The following SPMIP2 variants were observed in gnomAD, a reference collection of about 807,000 sequenced individuals.
SPMIP2 encodes the protein sperm microtubule inner protein 2, also known as protein SPMIP2.
the SPMIP2 span, among the ~76,000 whole-genome samples, chr4:158,952,813 G>A: frequency 2.0e-5 from 3 of 152,228 alleles, no homozygotes; most frequent in Non-Finnish European, 2.9e-5. Context: ...CTGGAGCAAA[G>A]ATGACTCTTG....
chr4:159,038,481 C>T, the SPMIP2 span: 1 of 152,104 alleles, frequency 6.6e-6, no homozygotes, highest in African/African-American at 2.4e-5. Context: ...AAGTTGTTGA[C>T]TTTTTTCCAT....
chr4:158,974,496 C>T, the SPMIP2 span, among the ~76,000 whole-genome samples: 407 of 152,002 alleles, frequency 2.7e-3, 1 homozygote, highest in African/African-American at 9.5e-3. Context: ...TGTAATATTC[C>T]CCTCCCTGTG....
chr4:158,904,912 C>T, the SPMIP2 span: 1 of 169,042 alleles, frequency 5.9e-6, no homozygotes, highest in South Asian at 1.7e-4. Context: ...CAGCAGTGTA[C>T]ATAATATTCC....
chr4:159,016,345 A>G, the SPMIP2 span, among the ~76,000 whole-genome samples: 1 of 152,228 alleles, frequency 6.6e-6, no homozygotes, highest in Admixed American at 6.5e-5. Context: ...AATTAAAGCT[A>G]TAACCATGAG....
chr4:159,042,811 C>T, the SPMIP2 span, among the ~76,000 whole-genome samples: 1,397 of 152,072 alleles, frequency 9.2e-3, 25 homozygotes, highest in African/African-American at 0.032. Flanking sequence ...TACAGGCATG[C>T]ACCACCACAC....
chr4:158,953,023 C>T, the SPMIP2 span, among the ~76,000 whole-genome samples: 2 of 152,148 alleles, frequency 1.3e-5, no homozygotes, highest in Non-Finnish European at 2.9e-5. Flanking sequence ...AGAAAATTTG[C>T]AGCCTGACAA....
At chr4:158,935,466 A>G in the SPMIP2 span, among the ~76,000 whole-genome samples, 19 of 152,138 alleles carry the variant, frequency 1.2e-4, no homozygotes, top group African/African-American at 4.6e-4. Flanking sequence ...TGATAAAGGG[A>G]AGGATTCATT....
the SPMIP2 span, among the ~76,000 whole-genome samples, chr4:159,043,957 A>T: frequency 1.3e-5 from 2 of 152,350 alleles, no homozygotes; most frequent in Non-Finnish European, 2.9e-5. Flanking sequence ...ATAACATAAA[A>T]ACAGCTCTTA....
the SPMIP2 span, among the ~76,000 whole-genome samples, chr4:158,986,619 C>G: frequency 6.6e-6 from 1 of 151,892 alleles, no homozygotes; most frequent in Non-Finnish European, 1.5e-5. Flanking sequence ...ACACCTTATA[C>G]AAAAATTAAT....
chr4:158,956,292 G>A, the SPMIP2 span, among the ~76,000 whole-genome samples: 1 of 152,318 alleles, frequency 6.6e-6, no homozygotes, highest in Non-Finnish European at 1.5e-5. Context: ...CTAGCTGGGT[G>A]CGGTGGCTCA....
the SPMIP2 span, among the ~76,000 whole-genome samples, chr4:158,955,545 G>T: frequency 6.6e-6 from 1 of 152,062 alleles, no homozygotes; most frequent in African/African-American, 2.4e-5. Context: ...ACCTGGGATC[G>T]CAGGCATGCA....
At chr4:158,905,757 G>A in the SPMIP2 span, 6 of 150,422 alleles carry the variant, frequency 4.0e-5, no homozygotes, top group Non-Finnish European at 7.4e-5. Context: ...TTTACTGACC[G>A]TGAAACAGAC....
the SPMIP2 span, among the ~76,000 whole-genome samples, chr4:159,037,782 AT>A: frequency 1.5e-5 from 1 of 68,108 alleles, no homozygotes; most frequent in African/African-American, 7.1e-5. Context: ...CAAAAACAAT[AT>A]ATACACACAC....
chr4:159,040,984 A>G, the SPMIP2 span, among the ~76,000 whole-genome samples: 60 of 152,270 alleles, frequency 3.9e-4, 1 homozygote, highest in South Asian at 0.012. Flanking sequence ...TATTCAATAA[A>G]TATCAGCTGC....
chr4:158,923,647 G>A, the SPMIP2 span, among the ~76,000 whole-genome samples: 5 of 152,120 alleles, frequency 3.3e-5, no homozygotes, highest in South Asian at 1.0e-3. Context: ...ATAAGATCAT[G>A]TTATCAGCAA....
the SPMIP2 span, among the ~76,000 whole-genome samples, chr4:158,921,445 A>AT: frequency 1.4e-4 from 22 of 151,994 alleles, no homozygotes; most frequent in East Asian, 3.9e-4. Context: ...CCATCTCAAA[A>AT]TTTAAAAAAA....
the SPMIP2 span, among the ~76,000 whole-genome samples, chr4:159,066,087 T>C: frequency 6.6e-6 from 1 of 152,094 alleles, no homozygotes; most frequent in South Asian, 2.1e-4. Flanking sequence ...TATTGTCTAA[T>C]TCAAAATTCT....
At chr4:158,928,049 G>A in the SPMIP2 span, among the ~76,000 whole-genome samples, 10 of 152,306 alleles carry the variant, frequency 6.6e-5, no homozygotes, top group African/African-American at 1.9e-4. Context: ...GCTCCACGGT[G>A]CCCAGTCCCA....
chr4:159,006,822 T>C, the SPMIP2 span, among the ~76,000 whole-genome samples: 2 of 152,072 alleles, frequency 1.3e-5, no homozygotes, highest in African/African-American at 2.4e-5. Context: ...CAGGGAAGCA[T>C]AGAAATCAGG....
Sources: gnomAD v4.1 joint callset for allele counts (sites outside exome capture counted in the v4.1 genomes callset) on GRCh38, gnomAD v4.1.1 for gene constraint, MANE v1.5 for transcripts, NCBI Gene and HGNC (gene_info 2026-07-23, HGNC 2026-07-21) for gene names.